RABGAP1: variants seen among roughly 807,000 people sequenced by gnomAD.
RABGAP1 encodes rab GTPase-activating protein 1.
Under a neutral mutation model 137.6 loss-of-function variants are expected in RABGAP1, and 23 were observed. That is an observed-to-expected ratio of 0.17 (90% CI 0.12 to 0.24). RABGAP1 has a LOEUF of 0.24. Ranked by LOEUF, RABGAP1 falls within the 10% of genes least tolerant of loss-of-function variation. The pLI, the probability that RABGAP1 is intolerant of heterozygous loss-of-function variation, is 1.00. For synonymous variants in RABGAP1, 451 were observed against 450.7 expected (o/e 1.00, Z -0.01); for missense variants, 906 against 1,275.8 (o/e 0.71, Z 4.42).
At chr9:123,097,889 G>A (rs2035231092) in intron 22 of RABGAP1, 44 bp downstream of exon 22, 1 of 1,535,992 alleles carries the variant, frequency 6.5e-7, no homozygotes, top group African/African-American at 1.4e-5. Flanking sequence ...AAATGCTTGA[G>A]AACTGGGAGT....
intron 13 of RABGAP1, among the ~76,000 whole-genome samples, chr9:123,055,190 T>C (rs2033640233): frequency 6.6e-6 from 1 of 152,166 alleles, no homozygotes; most frequent in Non-Finnish European, 1.5e-5. Context: ...TGGATATTTC[T>C]TTTATTGATT....
chr9:122,974,415 CTTTTTTTTTTTT>C (rs11331973), intron 2 of RABGAP1, among the ~76,000 whole-genome samples: 2 of 58,220 alleles, frequency 3.4e-5, no homozygotes, highest in Non-Finnish European at 6.2e-5. Flanking sequence ...ATGGCTTTGT[CTTTTTTTTTTTT>C]TTTTTTTTTT....
intron 1 of RABGAP1, among the ~76,000 whole-genome samples, chr9:122,956,145 C>G (rs1416289143): frequency 6.6e-6 from 1 of 152,106 alleles, no homozygotes; most frequent in Non-Finnish European, 1.5e-5. Context: ...GAGCTGAGTT[C>G]TAAGAAACTG....
At chr9:123,081,934 A>G (rs187708629) in intron 19 of RABGAP1, among the ~76,000 whole-genome samples, 21 of 152,240 alleles carry the variant, frequency 1.4e-4, no homozygotes, top group Admixed American at 4.6e-4. Context: ...TATGTTCCCA[A>G]TGCTTTCCAA....
At chr9:123,101,441 G>C in intron 24 of RABGAP1, 125 bp from the exon 25 acceptor site, 3 of 888,532 alleles carry the variant, frequency 3.4e-6, no homozygotes, top group Non-Finnish European at 4.9e-6. Context: ...AAGAGCACAG[G>C]TTTTCAGAAA....
At chr9:123,063,838 AT>A (rs1296999143) in intron 13 of RABGAP1, among the ~76,000 whole-genome samples, 1 of 152,174 alleles carries the variant, frequency 6.6e-6, no homozygotes, top group Non-Finnish European at 1.5e-5. Flanking sequence ...ACCTTTTCAT[AT>A]TTTAAACAGT....
intron 15 of RABGAP1, among the ~76,000 whole-genome samples, chr9:123,073,013 A>G (rs951187680): frequency 9.2e-5 from 14 of 152,238 alleles, no homozygotes; most frequent in African/African-American, 3.1e-4. Context: ...TACTTCAAGC[A>G]TTACTGCAAG....
chr9:123,030,792 G>A (rs969123756), intron 13 of RABGAP1, among the ~76,000 whole-genome samples: 1 of 152,072 alleles, frequency 6.6e-6, no homozygotes, highest in Non-Finnish European at 1.5e-5. Flanking sequence ...CTATGTTATG[G>A]TTAAAGACCA....
At chr9:122,989,786 A>G (rs1219910544) in intron 5 of RABGAP1, 20 of 512,316 alleles carry the variant, frequency 3.9e-5, no homozygotes, top group Non-Finnish European at 2.1e-5. Flanking sequence ...GACTGTTTTC[A>G]TTGTAATATC....
At chr9:123,006,855 C>T (rs1194681408) in intron 10 of RABGAP1, among the ~76,000 whole-genome samples, 14 of 152,082 alleles carry the variant, frequency 9.2e-5, no homozygotes, top group South Asian at 4.1e-4. Context: ...GTGATCCACC[C>T]GCCTCAGCCT....
intron 14 of RABGAP1, among the ~76,000 whole-genome samples, chr9:123,068,363 AAAAG>A (rs1190558385): frequency 1.3e-5 from 2 of 151,914 alleles, no homozygotes; most frequent in Non-Finnish European, 2.9e-5. Flanking sequence ...AAAAAAAAAA[AAAAG>A]AAAAAATCCA....
intron 19 of RABGAP1, among the ~76,000 whole-genome samples, chr9:123,077,676 ATTGTATTGTATTGTAT>A (rs2034562220): frequency 7.1e-6 from 1 of 140,950 alleles, no homozygotes; most frequent in South Asian, 2.3e-4. Context: ...ATTGTATTGT[ATTGTATTGTATTGTAT>A]TTATTTTCTG....
chr9:122,932,639 C>T, the RABGAP1 span, among the ~76,000 whole-genome samples: 1 of 151,998 alleles, frequency 6.6e-6, no homozygotes, highest in Admixed American at 6.6e-5. Flanking sequence ...AAGCGGTTCT[C>T]CTGCCTCCGT....
intron 13 of RABGAP1, among the ~76,000 whole-genome samples, chr9:123,027,951 A>G (rs1253416331): frequency 6.6e-6 from 1 of 152,182 alleles, no homozygotes; most frequent in Admixed American, 6.5e-5. Context: ...TGTGAACATA[A>G]TTTTAAGCCC....
At chr9:123,102,859 A>C (rs2035383560) in intron 25 of RABGAP1, among the ~76,000 whole-genome samples, 1 of 152,252 alleles carries the variant, frequency 6.6e-6, no homozygotes, top group Non-Finnish European at 1.5e-5. Context: ...AGAGGGAGAC[A>C]TAGCAAGTAG....
At chr9:122,954,173 GAC>G (rs1834394896) in intron 1 of RABGAP1, among the ~76,000 whole-genome samples, 1 of 152,160 alleles carries the variant, frequency 6.6e-6, no homozygotes, top group African/African-American at 2.4e-5. Context: ...ATGGTCTTGA[GAC>G]AGAGGTTGTG....
intron 1 of RABGAP1, among the ~76,000 whole-genome samples, chr9:122,956,696 C>T (rs947475294): frequency 1.3e-5 from 2 of 150,448 alleles, no homozygotes; most frequent in East Asian, 2.0e-4. Flanking sequence ...AAGGCTAATA[C>T]TTATATATTT....
Position 123,101,608 on chromosome 9 carries a change from AAAG to A in RABGAP1, c.2936_2938del (p.Glu979del), listed in dbSNP as rs776855709. On this transcript the variant is annotated inframe_deletion, in exon 25 of 26. Transcript: ENST00000373647. ...TGAGCGGTGCCGGGAATTTTTCAAC[AAAG>A]AAGGGCGTGTAAAAGGCATAAGCTC... 9.3e-6 allele frequency: 15 copies of A among 1,614,038 alleles called. No homozygotes were observed. The highest frequency in any genetic ancestry group is 1.3e-5 in the Non-Finnish European group (15 of 1,180,040).
intron 13 of RABGAP1, among the ~76,000 whole-genome samples, chr9:123,054,454 A>G (rs2033613154): frequency 6.6e-6 from 1 of 152,202 alleles, no homozygotes; most frequent in Non-Finnish European, 1.5e-5. Flanking sequence ...ATTTTCAAGA[A>G]CAGTTTTAGA....
Sources: allele counts gnomAD v4.1 joint callset (sites outside exome capture counted in the v4.1 genomes callset), GRCh38; gene constraint gnomAD v4.1.1; transcripts MANE v1.5; gene names NCBI Gene and HGNC (gene_info 2026-07-23, HGNC 2026-07-21).